Variants in FHL2 observed in about 807,000 individuals in gnomAD.
FHL2 encodes four and a half LIM domains protein 2.
A neutral mutation model predicts 32.7 loss-of-function variants in FHL2; 20 were observed. The observed-to-expected ratio is 0.61, with a 90% CI of 0.43 to 0.89. FHL2 has a LOEUF of 0.89. Among genes scored for constraint, FHL2 ranks in the 40% least tolerant of loss-of-function variants. The pLI is 0.00. For synonymous variants in FHL2, 123 were observed against 128.1 expected, an observed-to-expected ratio of 0.96 and a Z score of 0.27; for missense variants, 311 against 358.6, an observed-to-expected ratio of 0.87 and a Z score of 1.07.
chr2:105,363,926 G>A (rs990090989), intron 5 of FHL2, among the ~76,000 whole-genome samples: 1 of 152,186 alleles, frequency 6.6e-6, no homozygotes, highest in African/African-American at 2.4e-5. Context: ...GGAAGTGAGG[G>A]TGATGAGGTT....
At chr2:105,409,718 T>A (rs1432862287) in intron 1 of FHL2, among the ~76,000 whole-genome samples, 3 of 152,174 alleles carry the variant, frequency 2.0e-5, no homozygotes, top group African/African-American at 7.2e-5. Flanking sequence ...AGGGGTGATA[T>A]AAAATCCACC....
At chr2:105,379,321 A>G (rs1681711021) in intron 3 of FHL2, among the ~76,000 whole-genome samples, 1 of 152,250 alleles carries the variant, frequency 6.6e-6, no homozygotes, top group Non-Finnish European at 1.5e-5. Flanking sequence ...AATAATGAGA[A>G]GAGTTGCCTC....
At chr2:105,387,143 G>A (rs10173898) in intron 2 of FHL2, among the ~76,000 whole-genome samples, 10,683 of 152,118 alleles carry the variant, frequency 0.07, 1,216 homozygotes, top group African/African-American at 0.24. Context: ...GCAGGTAAGG[G>A]CTGACACCAG....
chr2:105,386,013 A>T, intron 3 of FHL2: 2 of 402,494 alleles, frequency 5.0e-6, no homozygotes, highest in East Asian at 7.1e-5. Flanking sequence ...CACGTTACTC[A>T]CCACGGGGCA....
intron 1 of FHL2, among the ~76,000 whole-genome samples, chr2:105,407,993 C>T (rs928529011): frequency 6.6e-6 from 1 of 152,192 alleles, no homozygotes; most frequent in Non-Finnish European, 1.5e-5. Context: ...TTTCTGTCTG[C>T]ATAAATGGTA....
intron 3 of FHL2, among the ~76,000 whole-genome samples, chr2:105,380,563 C>T (rs889586427): frequency 1.3e-5 from 2 of 152,150 alleles, no homozygotes; most frequent in Admixed American, 6.5e-5. Context: ...AGCTCCAAAC[C>T]GATTTTTAGT....
At chr2:105,377,852 C>CG in intron 3 of FHL2, 7 of 354,500 alleles carry the variant, frequency 2.0e-5, no homozygotes, top group South Asian at 8.8e-5. Flanking sequence ...GATCCTTGGC[C>CG]TCTCTCTGGG....
At chr2:105,421,901 AAGATGTTTCTATTACCCAC>A (rs2104669623) in intron 1 of FHL2, among the ~76,000 whole-genome samples, 1 of 152,216 alleles carries the variant, frequency 6.6e-6, no homozygotes, top group Non-Finnish European at 1.5e-5. Context: ...TTTAATGGAA[AAGATGTTTCTATTACCCAC>A]CATGCTAGTT....
intron 5 of FHL2, among the ~76,000 whole-genome samples, chr2:105,367,242 A>G (rs968542925): frequency 6.6e-6 from 1 of 152,092 alleles, no homozygotes; most frequent in Non-Finnish European, 1.5e-5. Context: ...TTATTCATGG[A>G]GAGAAGCTGA....
In FHL2 at chr2:105,363,385, A is replaced by G; in HGVS notation, c.588T>C (p.Ser196=). 6.2e-7 allele frequency: 1 copy of G among 1,614,088 alleles called. No homozygotes were observed. Among genetic ancestry groups the G allele is most frequent in the South Asian group, 1.1e-5 (1 of 91,036 alleles). The change falls in exon 6 of 7, where the codon TCT becomes TCC. Residue 196 remains serine, a synonymous_variant. Transcript: ENST00000530340. ...CATCGCGAGCTGTGAAGCGCTGCCCAGACAGCTGCTTCCTGCAGGCGGTGC... is the reference window on the plus strand; with the variant it reads ...CATCGCGAGCTGTGAAGCGCTGCCCGGACAGCTGCTTCCTGCAGGCGGTGC... ...FVCTACRKQL[S]GQRFTARDDF... is the part of the protein sequence containing the mutation.
At chr2:105,414,283 C>T (rs11894260) in intron 1 of FHL2, among the ~76,000 whole-genome samples, 88,806 of 151,944 alleles carry the variant, frequency 0.58, 26,718 homozygotes, top group African/African-American at 0.72. Flanking sequence ...GAACCCTGCC[C>T]TTTAGGGTTT....
At chr2:105,427,446 T>TC (rs1684300479) in intron 1 of FHL2, among the ~76,000 whole-genome samples, 1 of 152,138 alleles carries the variant, frequency 6.6e-6, no homozygotes, top group South Asian at 2.1e-4. Context: ...AGAGAGAGTG[T>TC]CTTGTGAACA....
Position 105,361,233 on chromosome 2 carries a change from C to T in FHL2, c.*50G>A, listed in dbSNP as rs1000798237. Reference sequence around the variant, plus strand: ...AAGATTGCCTGGGTGAGAAAGAAAACATAAAAATCTGTGTGTGAGATCACA... The same window carrying T: ...AAGATTGCCTGGGTGAGAAAGAAAATATAAAAATCTGTGTGTGAGATCACA... On this transcript the variant is annotated 3_prime_UTR_variant, in exon 7 of 7. Transcript: ENST00000530340. 6.4e-6 allele frequency: 10 copies of T among 1,572,682 alleles called. No individual in the cohort carries two copies. In the Admixed American group the frequency reaches 7.2e-5, roughly 11 times the overall value.
intron 3 of FHL2, among the ~76,000 whole-genome samples, chr2:105,380,658 G>T (rs1681824323): frequency 6.6e-6 from 1 of 152,182 alleles, no homozygotes; most frequent in African/African-American, 2.4e-5. Context: ...GTGTAACAGA[G>T]ATAGCACTTC....
At chr2:105,396,503 C>T (rs1683139602) in intron 2 of FHL2, 144 bp downstream of exon 2, 1 of 675,060 alleles carries the variant, frequency 1.5e-6, no homozygotes, top group Non-Finnish European at 2.5e-6. Flanking sequence ...CATCCAAAAA[C>T]ACCCTCCCAG....
chr2:105,367,768 A>G (rs1355177597), intron 4 of FHL2, 29 bp from the exon 5 acceptor site: 3 of 1,605,740 alleles, frequency 1.9e-6, no homozygotes, highest in South Asian at 1.1e-5. Flanking sequence ...GGAACACAGC[A>G]GAGTTATGGT....
chr2:105,364,348 A>G (rs1402707066), intron 5 of FHL2, among the ~76,000 whole-genome samples: 1 of 152,238 alleles, frequency 6.6e-6, no homozygotes, highest in Non-Finnish European at 1.5e-5. Context: ...ACTTACGGTG[A>G]AAGAAGGAAG....
downstream of FHL2, chr2:105,359,629 C>T (rs1680140774): frequency 6.6e-6 from 1 of 152,216 alleles, no homozygotes; most frequent in Non-Finnish European, 1.5e-5. Context: ...CTCCGTGCTT[C>T]CCAACTGTAT....
chr2:105,403,786 A>G (rs967123497), upstream of FHL2, among the ~76,000 whole-genome samples: 4 of 152,198 alleles, frequency 2.6e-5, no homozygotes, highest in African/African-American at 7.2e-5. Context: ...CTAAACATAG[A>G]CTAGACTCAG....
Sources: allele counts gnomAD v4.1 joint callset (sites outside exome capture counted in the v4.1 genomes callset), GRCh38; gene constraint gnomAD v4.1.1; transcripts MANE v1.5; gene names NCBI Gene and HGNC (gene_info 2026-07-23, HGNC 2026-07-21).